The following GABRB2 variants were observed in gnomAD, a reference collection of about 807,000 sequenced individuals.
The protein encoded by GABRB2 is gamma-aminobutyric acid receptor subunit beta-2.
In GABRB2, 16 loss-of-function variants were observed where a neutral mutation model predicts 54.7. The ratio of observed to expected loss-of-function variants is 0.29; its 90% CI spans 0.20 to 0.44. The LOEUF (loss-of-function observed/expected upper bound fraction) is 0.44. GABRB2 is among the 20% of genes least tolerant of loss of function. The pLI is 1.00. For missense variants in GABRB2, 355 were observed against 644.0 expected (o/e 0.55, Z 4.86); for synonymous variants, 244 against 233.8 (o/e 1.04, Z -0.40).
intron 3 of GABRB2, among the ~76,000 whole-genome samples, chr5:161,506,669 C>G (rs991647521): frequency 2.6e-5 from 4 of 151,950 alleles, no homozygotes; most frequent in Non-Finnish European, 5.9e-5. Context: ...TTATTATGTA[C>G]CTCTTTTGGA....
intron 3 of GABRB2, among the ~76,000 whole-genome samples, chr5:161,531,655 C>T (rs1269765532): frequency 6.6e-6 from 1 of 151,756 alleles, no homozygotes; most frequent in African/African-American, 2.4e-5. Flanking sequence ...CAATATCTCC[C>T]AGTAGCAGAC....
intron 4 of GABRB2, among the ~76,000 whole-genome samples, chr5:161,457,316 A>G (rs1443009416): frequency 2.0e-5 from 3 of 152,228 alleles, no homozygotes; most frequent in Non-Finnish European, 4.4e-5. Context: ...AATTAAAGGT[A>G]CAGCAATAGT....
intron 5 of GABRB2, among the ~76,000 whole-genome samples, chr5:161,389,438 A>G (rs1755749357): frequency 1.3e-5 from 2 of 152,054 alleles, no homozygotes; most frequent in Non-Finnish European, 1.5e-5. Flanking sequence ...CAATTTCAAC[A>G]ATTAAGGAGG....
intron 4 of GABRB2, among the ~76,000 whole-genome samples, chr5:161,429,760 G>A (rs964482696): frequency 4.6e-5 from 7 of 152,124 alleles, no homozygotes; most frequent in Non-Finnish European, 8.8e-5. Flanking sequence ...TAATCAAGGA[G>A]CCACAAACTC....
intron 4 of GABRB2, among the ~76,000 whole-genome samples, chr5:161,451,459 T>C (rs1757784720): frequency 6.6e-6 from 1 of 152,172 alleles, no homozygotes; most frequent in Non-Finnish European, 1.5e-5. Context: ...TAGGAGTATA[T>C]ACCCTGAGCC....
rs796147674 is a variant in GABRB2 at position 161,359,876 on chromosome 5, A to T, written c.542-23107T>A. Among the ~76,000 whole-genome samples the T allele has an allele frequency of 2.2e-4, 33 of 152,242 alleles. 1 individual carries two copies. Among genetic ancestry groups the T allele is most frequent in the African/African-American group, 7.5e-4 (31 of 41,534 alleles). ...GGCAGGTAGATCACGAGGTCAAGAG[A>T]TCAAGACCATGCTGGCCAACATGGT... On this transcript the variant is annotated intron_variant, in intron 5 of 9. Transcript: ENST00000393959.
chr5:161,355,079 A>G (rs1754575021), intron 5 of GABRB2, among the ~76,000 whole-genome samples: 3 of 151,720 alleles, frequency 2.0e-5, no homozygotes, highest in African/African-American at 7.3e-5. Flanking sequence ...ATAAAGCCTG[A>G]CTTCTCTGTC....
At chr5:161,298,936 G>A (rs1253349680) in intron 9 of GABRB2, among the ~76,000 whole-genome samples, 2 of 152,148 alleles carry the variant, frequency 1.3e-5, no homozygotes, top group Admixed American at 1.3e-4. Flanking sequence ...AGGTGGCAGA[G>A]CAAGAAGGAG....
At chr5:161,382,143 G>A (rs553840376) in intron 5 of GABRB2, among the ~76,000 whole-genome samples, 181 of 152,260 alleles carry the variant, frequency 1.2e-3, no homozygotes, top group African/African-American at 4.2e-3. Context: ...AGGCAAAGAA[G>A]GAAAGAAGGG....
intron 3 of GABRB2, among the ~76,000 whole-genome samples, chr5:161,504,792 A>G (rs1759553894): frequency 6.6e-6 from 1 of 151,484 alleles, no homozygotes; most frequent in Admixed American, 6.6e-5. Flanking sequence ...ATCCGAAAGG[A>G]ATTAAAAAAA....
chr5:161,409,357 G>T (rs1282282905), intron 5 of GABRB2, among the ~76,000 whole-genome samples: 1 of 151,810 alleles, frequency 6.6e-6, no homozygotes, highest in Non-Finnish European at 1.5e-5. Context: ...AAAGCCTAAA[G>T]AATTATCATG....
intron 3 of GABRB2, among the ~76,000 whole-genome samples, chr5:161,476,648 A>G (rs1758599743): frequency 2.0e-5 from 3 of 151,916 alleles, no homozygotes; most frequent in African/African-American, 7.2e-5. Context: ...AAATGTACGA[A>G]TAAATGCTCT....
intron 3 of GABRB2, among the ~76,000 whole-genome samples, chr5:161,482,589 G>A (rs1377691815): frequency 4.6e-5 from 7 of 151,968 alleles, no homozygotes; most frequent in Non-Finnish European, 7.4e-5. Flanking sequence ...ACAACTTCTA[G>A]TTTAAAAAGG....
intron 9 of GABRB2, among the ~76,000 whole-genome samples, chr5:161,308,320 G>A (rs1757761602): frequency 6.6e-6 from 1 of 152,084 alleles, no homozygotes; most frequent in Non-Finnish European, 1.5e-5. Context: ...CCAAAGATTG[G>A]TTCAGGAATG....
chr5:161,397,947 G>C (rs1321167060), intron 5 of GABRB2, among the ~76,000 whole-genome samples: 1 of 151,982 alleles, frequency 6.6e-6, no homozygotes. Context: ...ACCACAATGA[G>C]AAAATGAACA....
At chr5:161,535,848 T>C (rs71611096) in intron 3 of GABRB2, among the ~76,000 whole-genome samples, 3,718 of 152,210 alleles carry the variant, frequency 0.024, 55 homozygotes, top group African/African-American at 0.034. Context: ...CTAAGAGTCA[T>C]GGGGGCAGAG....
chr5:161,444,213 G>A (rs1311175662), intron 4 of GABRB2, among the ~76,000 whole-genome samples: 1 of 152,088 alleles, frequency 6.6e-6, no homozygotes, highest in African/African-American at 2.4e-5. Flanking sequence ...GGATAGGCAA[G>A]ATACTCCAAA....
intron 5 of GABRB2, among the ~76,000 whole-genome samples, chr5:161,362,985 C>G (rs896889318): frequency 6.6e-6 from 1 of 152,146 alleles, no homozygotes; most frequent in African/African-American, 2.4e-5. Context: ...CCCCAAGGAT[C>G]TAGAACCAGA....
chr5:161,494,290 T>C (rs1245302492), intron 3 of GABRB2, among the ~76,000 whole-genome samples: 1 of 151,834 alleles, frequency 6.6e-6, no homozygotes, highest in African/African-American at 2.4e-5. Flanking sequence ...AGTTATTAGA[T>C]TGTAGTATGC....
Sources: gnomAD v4.1 joint callset for allele counts (sites outside exome capture counted in the v4.1 genomes callset) on GRCh38, gnomAD v4.1.1 for gene constraint, MANE v1.5 for transcripts, NCBI Gene and HGNC (gene_info 2026-07-23, HGNC 2026-07-21) for gene names.